LIMA1: variants seen among roughly 807,000 people sequenced by gnomAD.
LIMA1 encodes LIM domain and actin-binding protein 1.
In LIMA1, 52 loss-of-function variants were observed where a neutral mutation model predicts 62.6. The ratio of observed to expected loss-of-function variants is 0.83; its 90% CI spans 0.67 to 1.05. The LOEUF (loss-of-function observed/expected upper bound fraction) is 1.05, where lower values mean the gene tolerates loss of function less well. Among genes scored for constraint, LIMA1 ranks in the 50% least tolerant of loss-of-function variants. The pLI is 0.00. For missense variants in LIMA1, 780 were observed against 902.2 expected, an observed-to-expected ratio of 0.86 and a Z score of 1.74; for synonymous variants, 302 against 317.8, an observed-to-expected ratio of 0.95 and a Z score of 0.53.
intron 2 of LIMA1, among the ~76,000 whole-genome samples, chr12:50,238,086 T>C (rs79934604): frequency 0.023 from 3,491 of 152,282 alleles, 126 homozygotes; most frequent in African/African-American, 0.08. Flanking sequence ...TATTTTTTCA[T>C]CTTATTTTAA....
Position 50,177,542 on chromosome 12 carries a change from G to A in LIMA1, c.1802C>T (p.Ser601Phe), listed in dbSNP as rs1940375787. The A allele has an allele frequency of 5.0e-6, 8 of 1,611,566 alleles. No individual in the cohort carries two copies. The highest frequency in any genetic ancestry group is 6.8e-6 in the Non-Finnish European group (8 of 1,179,050). ...GGACACAGTTTTTGGGCTCTTGACA[G>A]AGGTGCTTTGAAATGAAGCTGCTAC... ...FTVAASFQST[S>F]VKSPKTVSPP... The change falls in exon 11 of 11, where the codon TCT (serine) becomes TTT (phenylalanine). Residue 601 changes from serine (S) to phenylalanine (F), a missense_variant. Transcript: ENST00000341247.
Position 50,176,905 on chromosome 12 carries a change from GTTT to G in LIMA1, c.*156_*158del, listed in dbSNP as rs1940348923. On this transcript the variant is annotated 3_prime_UTR_variant, in exon 11 of 11. Coordinates refer to ENST00000341247, the MANE Select transcript of LIMA1 (RefSeq NM_016357.5). Reference sequence around the variant, plus strand: ...TAGAATGTGTTTTTTGTGTTTTTTTGTTTTGTTTTTGATTTTAAGAAGGAATTC... The same window carrying G: ...TAGAATGTGTTTTTTGTGTTTTTTTGTGTTTTTGATTTTAAGAAGGAATTC... 1.5e-5 allele frequency: 9 copies of G among 612,354 alleles called. No homozygotes were observed. In the East Asian group the frequency reaches 2.6e-4, roughly 18 times the overall value. The allele number at this position is 612,354 out of a possible 1,614,324, so 37.9% of individuals were successfully genotyped here.
chr12:50,274,299 G>C (rs551364310), intron 1 of LIMA1, among the ~76,000 whole-genome samples: 49 of 151,920 alleles, frequency 3.2e-4, no homozygotes, highest in Non-Finnish European at 5.6e-4. Context: ...AAAAATGACA[G>C]ACAAGGCCGA....
chr12:50,265,376 C>T (rs1340596679), intron 1 of LIMA1, among the ~76,000 whole-genome samples: 4 of 151,802 alleles, frequency 2.6e-5, no homozygotes, highest in African/African-American at 9.7e-5. Context: ...CAAAATTAGC[C>T]GGGCGTGGTG....
At chr12:50,227,528 C>T (rs559883572) in intron 3 of LIMA1, among the ~76,000 whole-genome samples, 2 of 151,702 alleles carry the variant, frequency 1.3e-5, no homozygotes, top group Non-Finnish European at 2.9e-5. Context: ...GTGCCAGGCC[C>T]GAAGTCTTCC....
rs141008056 is a variant in LIMA1 at position 50,212,960 on chromosome 12, G to A, written c.631-6892C>T. 5.3e-5 allele frequency among the ~76,000 whole-genome samples: 8 copies of A among 152,180 alleles called. No homozygotes were observed. The East Asian group carries it at 7.7e-4, about 15-fold the overall frequency. On this transcript the variant is annotated intron_variant, in intron 4 of 10. Transcript: ENST00000341247. The stretch of plus-strand genomic sequence containing the variant: ...CTTCTGAGTAGCTGGGATTTCAGGC[G>A]CATGTCACCACGCCAGGCTAATTTT...
rs538394168 is a variant in LIMA1 at position 50,241,171 on chromosome 12, C to T, written c.119+7462G>A. 8.5e-5 allele frequency among the ~76,000 whole-genome samples: 13 copies of T among 152,180 alleles called. No homozygotes were observed. The East Asian group carries it at 1.4e-3, about 16-fold the overall frequency. On this transcript the variant is annotated intron_variant, in intron 2 of 10. Transcript: ENST00000341247. Reference sequence around the variant, plus strand: ...TAACGCTTTGGGGAATGTCCTTTTACGTATATTTTTCCCACTTGTACTAAT... The same window carrying T: ...TAACGCTTTGGGGAATGTCCTTTTATGTATATTTTTCCCACTTGTACTAAT...
At position 50,191,365 on chromosome 12, in the gene LIMA1, A is replaced by AAC. The variant is rs1379427589; in HGVS notation, c.1140+1086_1140+1087insGT. On this transcript the variant is annotated intron_variant, in intron 9 of 10. Coordinates refer to ENST00000341247, the MANE Select transcript of LIMA1 (RefSeq NM_016357.5). ...ACATGGCAAAATCACATCTCTTAAA[A>AAC]AAAAAAAAAAAAAAGCCAGGCATGG... The AAC allele has an allele frequency of 2.9e-3, 430 of 150,136 alleles. 2 individuals are homozygous for AAC. The highest frequency in any genetic ancestry group is 0.01 in the African/African-American group (414 of 40,866). 9.3% of individuals were successfully genotyped at this position (150,136 alleles called of 1,614,324 possible).
intron 1 of LIMA1, among the ~76,000 whole-genome samples, chr12:50,258,639 C>CTTTTTT (rs34324226): frequency 1.9e-3 from 126 of 67,420 alleles, no homozygotes; most frequent in African/African-American, 2.1e-3. Context: ...TCTACCTATA[C>CTTTTTT]TTTTTTTTTT....
At chr12:50,271,888 G>A (rs1203413063) in intron 1 of LIMA1, among the ~76,000 whole-genome samples, 1 of 152,134 alleles carries the variant, frequency 6.6e-6, no homozygotes, top group Non-Finnish European at 1.5e-5. Context: ...AAAATCTGCC[G>A]AGAAACTACA....
intron 1 of LIMA1, 27 bp from the exon 2 acceptor site, chr12:50,248,801 T>C (rs370032802): frequency 1.8e-5 from 20 of 1,140,302 alleles, no homozygotes; most frequent in Non-Finnish European, 2.5e-5. Context: ...GTCAGAACAT[T>C]AGACACAGAA....
chr12:50,255,580 AAAAGT>A (rs1331984026), intron 1 of LIMA1, among the ~76,000 whole-genome samples: 3 of 151,372 alleles, frequency 2.0e-5, no homozygotes, highest in African/African-American at 7.3e-5. Flanking sequence ...AAAGAAAAAA[AAAAGT>A]AAAGAAAAGA....
chr12:50,179,796 A>C (rs1198817477), intron 10 of LIMA1, among the ~76,000 whole-genome samples: 2 of 151,214 alleles, frequency 1.3e-5, no homozygotes, highest in Admixed American at 1.3e-4. Context: ...GCTGGAGTGC[A>C]ATGGTATGAT....
chr12:50,228,720 A>G (rs2138578705), intron 3 of LIMA1, among the ~76,000 whole-genome samples: 1 of 152,270 alleles, frequency 6.6e-6, no homozygotes, highest in South Asian at 2.1e-4. Context: ...TCCTACTGAC[A>G]TTTCCATTTG....
chr12:50,186,468 A>C (rs1317868819), intron 9 of LIMA1: 1 of 152,734 alleles, frequency 6.5e-6, no homozygotes, highest in Non-Finnish European at 1.5e-5. Context: ...TGACTCCTGC[A>C]TACCAAGGTG....
chr12:50,206,444 A>C (rs1941155272), intron 4 of LIMA1, among the ~76,000 whole-genome samples: 1 of 152,056 alleles, frequency 6.6e-6, no homozygotes, highest in Non-Finnish European at 1.5e-5. Flanking sequence ...GCCTTAGTTC[A>C]TGTCTTCATC....
intron 9 of LIMA1, among the ~76,000 whole-genome samples, chr12:50,182,970 G>A (rs1036158640): frequency 2.0e-5 from 3 of 152,130 alleles, no homozygotes; most frequent in Non-Finnish European, 2.9e-5. Context: ...TTAGGAGGCC[G>A]AGGTGGGCGG....
rs1941452426 is a variant in LIMA1 at position 50,222,123 on chromosome 12, T to C, written c.528A>G (p.Glu176=). 4 of 1,614,052 alleles carry C rather than the reference T, an allele frequency of 2.5e-6. No individual in the cohort carries two copies. The highest frequency in any genetic ancestry group is 3.4e-6 in the Non-Finnish European group (4 of 1,180,016). The stretch of plus-strand genomic sequence containing the variant: ...CCGAAGCATCTGTGTTTTCACTGAT[T>C]TCTGATTTTTCTACTTCATGCCTGG... ...GESRHEVEKS[E]ISENTDASGK... is the part of the protein sequence containing the mutation. The change falls in exon 4 of 11, where the codon GAA becomes GAG. Residue 176 remains glutamate (E), a synonymous_variant. Transcript: ENST00000341247.
In LIMA1 at chr12:50,183,904, A is replaced by C. The variant is rs145306856; in HGVS notation, c.1141-1867T>G. The stretch of plus-strand genomic sequence containing the variant: ...CACATGATTCACTAGGAGGTAAAGC[A>C]AAAAATAAAAATGGTTTTCCAAGTA... On this transcript the variant is annotated intron_variant, in intron 9 of 10. Transcript: ENST00000341247. 2.6e-3 allele frequency among the ~76,000 whole-genome samples: 396 copies of C among 152,174 alleles called. 1 individual carries two copies. The highest frequency in any genetic ancestry group is 8.9e-3 in the African/African-American group (369 of 41,526).
Sources: allele counts gnomAD v4.1 joint callset (sites outside exome capture counted in the v4.1 genomes callset), GRCh38; gene constraint gnomAD v4.1.1; transcripts MANE v1.5; gene names NCBI Gene and HGNC (gene_info 2026-07-23, HGNC 2026-07-21).